The following INO80 variants were observed in gnomAD, a reference collection of about 807,000 sequenced individuals.
INO80 encodes the protein chromatin-remodeling ATPase INO80.
Under a neutral mutation model 203.4 loss-of-function variants are expected in INO80, and 20 were observed. That is an observed-to-expected ratio of 0.10 (90% CI 0.07 to 0.14). The LOEUF (loss-of-function observed/expected upper bound fraction) is 0.14, where lower values mean the gene tolerates loss of function less well. Among genes scored for constraint, INO80 ranks in the 10% least tolerant of loss-of-function variants. The pLI, the probability that INO80 is intolerant of heterozygous loss-of-function variation, is 1.00. For synonymous variants in INO80, 726 were observed against 685.2 expected, an observed-to-expected ratio of 1.06 and a Z score of -0.93; for missense variants, 1,419 against 1,914.4, an observed-to-expected ratio of 0.74 and a Z score of 4.83.
chr15:41,095,273 G>A (rs551504209), intron 4 of INO80, among the ~76,000 whole-genome samples: 4 of 152,216 alleles, frequency 2.6e-5, no homozygotes, highest in Admixed American at 2.6e-4. Flanking sequence ...CCTAGGAGGC[G>A]GAGGTTGCAG....
intron 23 of INO80, among the ~76,000 whole-genome samples, 163 bp downstream of exon 23, chr15:41,047,245 A>T (rs749500621): frequency 6.6e-6 from 1 of 152,192 alleles, no homozygotes; most frequent in Non-Finnish European, 1.5e-5. Context: ...GATTACAGGC[A>T]TGAGTCACCG....
In INO80 at chr15:41,092,179, T is replaced by C. The variant is rs367602454; in HGVS notation, c.385A>G (p.Ile129Val). The C allele has an allele frequency of 4.8e-5, 76 of 1,585,684 alleles. No individual in the cohort carries two copies. The highest frequency in any genetic ancestry group is 6.7e-5 in the South Asian group (6 of 89,188). Residue 129 changes from isoleucine to valine, a missense_variant, in exon 5 of 36, where the codon ATT becomes GTT. Physicochemically the swap from Ile to Val is conservative, Grantham distance 29. Around this residue, in one of 9 missense-constraint regions of INO80, gnomAD observed 323 missense variants for 325.4 expected, o/e 0.99. Coordinates refer to ENST00000648947, the MANE Select transcript of INO80 (RefSeq NM_017553.3). The part of the protein sequence containing the change: ...LKKSRKWLKS[I>V]LLSDESSEAD... ...TCGCTGGATTCATCACTTAGCAGAA[T>C]GCTCTGAAAAGGGTGAAAATAGAAA...
At chr15:41,041,394 A>G (rs1251566597) in intron 24 of INO80, among the ~76,000 whole-genome samples, 2 of 149,978 alleles carry the variant, frequency 1.3e-5, no homozygotes, top group African/African-American at 4.9e-5. Context: ...CCTAGCCTCT[A>G]CATTGTTGTT....
intron 26 of INO80, chr15:41,017,800 CTTTG>C (rs1332319791): frequency 6.6e-6 from 1 of 152,228 alleles, no homozygotes; most frequent in Non-Finnish European, 1.5e-5. Flanking sequence ...TGTTCAGTCT[CTTTG>C]TTTGGTCCTG....
chr15:41,009,644 G>C (rs1415923770), intron 27 of INO80, among the ~76,000 whole-genome samples: 1 of 151,972 alleles, frequency 6.6e-6, no homozygotes, highest in Non-Finnish European at 1.5e-5. Context: ...ACAGGATGAA[G>C]TATAGTTTTC....
intron 10 of INO80, 41 bp from the exon 11 acceptor site, chr15:41,073,536 G>T (rs746200340): frequency 6.7e-7 from 1 of 1,481,642 alleles, no homozygotes; most frequent in Admixed American, 1.7e-5. Flanking sequence ...TTTATCAACT[G>T]ATTTTGTTCT....
intron 29 of INO80, among the ~76,000 whole-genome samples, chr15:40,992,150 A>C (rs2043825062): frequency 6.6e-6 from 1 of 152,230 alleles, no homozygotes. Context: ...TTTTCTCCCA[A>C]GAGAATAAGC....
intron 25 of INO80, chr15:41,024,562 G>C (rs1016264759): frequency 1.3e-5 from 2 of 152,200 alleles, no homozygotes; most frequent in Admixed American, 6.5e-5. Context: ...AGCGTTCAGC[G>C]CGTCCTTCCT....
chr15:41,111,620 T>C (rs1028939524), intron 1 of INO80, among the ~76,000 whole-genome samples: 2 of 151,774 alleles, frequency 1.3e-5, no homozygotes, highest in African/African-American at 2.4e-5. Context: ...CTAGCTAACA[T>C]GGTGAAATCC....
At position 40,997,975 on chromosome 15, in the gene INO80, TTATAA is replaced by T. The variant is rs559360096; in HGVS notation, c.3498-379_3498-375del. ...CCTGGTTTTCTCTAAGAATCATGAC[TTATAA>T]TAGTCTGGGGACTAATGTTATTATT... On this transcript the variant is annotated intron_variant, in intron 28 of 35. Transcript: ENST00000648947. Among the ~76,000 whole-genome samples, 326 of 152,000 alleles carry T rather than the reference TTATAA, an allele frequency of 2.1e-3. 1 individual carries two copies. The highest frequency in any genetic ancestry group is 3.5e-3 in the Non-Finnish European group (237 of 67,962).
chr15:41,033,954 C>T (rs1293045471), intron 24 of INO80, among the ~76,000 whole-genome samples: 5 of 151,746 alleles, frequency 3.3e-5, no homozygotes, highest in African/African-American at 4.8e-5. Context: ...CCCAGCTTCT[C>T]GGGAGGCTGA....
chr15:41,074,621 AG>A, intron 9 of INO80, 56 bp from the exon 10 acceptor site: 1 of 1,237,684 alleles, frequency 8.1e-7, no homozygotes, highest in Non-Finnish European at 1.1e-6. Context: ...TCCAAGAAGT[AG>A]TCCAGAATTC....
chr15:41,020,124 G>A (rs1291650687), intron 26 of INO80, among the ~76,000 whole-genome samples: 1 of 152,136 alleles, frequency 6.6e-6, no homozygotes, highest in African/African-American at 2.4e-5. Context: ...GGAAGGCTGA[G>A]GCAGGAGAAT....
intron 1 of INO80, among the ~76,000 whole-genome samples, chr15:41,115,069 C>T (rs1469998461): frequency 6.6e-6 from 1 of 152,110 alleles, no homozygotes; most frequent in Non-Finnish European, 1.5e-5. Context: ...TAAGTTGCCA[C>T]TGAAAAGCCA....
At chr15:41,075,781 C>T (rs1386249307) in intron 9 of INO80, among the ~76,000 whole-genome samples, 6 of 151,820 alleles carry the variant, frequency 4.0e-5, no homozygotes, top group Non-Finnish European at 2.9e-5. Flanking sequence ...TTAGTAGAGA[C>T]GGGTTTCACC....
At chr15:41,016,567 T>G (rs1410928407) in intron 26 of INO80, among the ~76,000 whole-genome samples, 1 of 152,258 alleles carries the variant, frequency 6.6e-6, no homozygotes, top group Non-Finnish European at 1.5e-5. Context: ...TTAAGTGACC[T>G]GAAAATTTTG....
rs765927024 is a variant in INO80 at position 41,095,824 on chromosome 15, T to G, written c.248A>C (p.Glu83Ala). ...KEEPPNSLLG[E>A]TSGAGSSGML... ...TCCAGAACTGCCTGCTCCAGAAGTT[T>G]CACCAAGCAATGAATTTGGAGGTTC... Residue 83 changes from glutamate (E) to alanine (A), a missense_variant, in exon 3 of 36, where the codon GAA becomes GCA. Coordinates refer to ENST00000648947, the MANE Select transcript of INO80 (RefSeq NM_017553.3). 10 of 1,614,162 alleles carry G rather than the reference T, an allele frequency of 6.2e-6. No individual in the cohort carries two copies. Among genetic ancestry groups the G allele is most frequent in the Non-Finnish European group, 8.5e-6 (10 of 1,180,022 alleles).
At chr15:41,041,834 C>CT (rs35077430) in intron 24 of INO80, among the ~76,000 whole-genome samples, 54,364 of 123,754 alleles carry the variant, frequency 0.44, 13,644 homozygotes, top group East Asian at 0.68. Flanking sequence ...GAAAGATTTC[C>CT]TTTTTTTTTT....
chr15:41,059,745 T>C, intron 15 of INO80, 122 bp downstream of exon 15: 1 of 585,274 alleles, frequency 1.7e-6, no homozygotes, highest in Non-Finnish European at 2.9e-6. Context: ...GGAAACTTGA[T>C]CAGTGTCCAG....
Sources: gnomAD v4.1 joint callset for allele counts (sites outside exome capture counted in the v4.1 genomes callset) on GRCh38, gnomAD v4.1.1 for gene constraint, gnomAD v4.1.1 regional missense constraint, MANE v1.5 for transcripts, NCBI Gene and HGNC (gene_info 2026-07-23, HGNC 2026-07-21) for gene names.